INTS4: variants seen among roughly 807,000 people sequenced by gnomAD.
INTS4 encodes the protein MSTP093.
INTS4 carries 70 observed loss-of-function variants against 119.5 expected under a neutral mutation model. The ratio of observed to expected loss-of-function variants is 0.59; its 90% CI spans 0.48 to 0.71. The LOEUF (loss-of-function observed/expected upper bound fraction) is 0.71, where lower values mean the gene tolerates loss of function less well. Ranked by LOEUF, INTS4 falls within the 30% of genes least tolerant of loss-of-function variation. INTS4 has a pLI of 0.00. For synonymous variants in INTS4, 316 were observed against 419.6 expected, an observed-to-expected ratio of 0.75 and a Z score of 3.02; for missense variants, 867 against 1,173.2, an observed-to-expected ratio of 0.74 and a Z score of 3.81.
At chr11:77,891,277 A>G (rs1271739189) in intron 21 of INTS4, 42 bp downstream of exon 21, 13 of 1,590,892 alleles carry the variant, frequency 8.2e-6, no homozygotes, top group Middle Eastern at 2.2e-4. Context: ...CTTCAACACA[A>G]TGTCAGTCTA....
chr11:77,896,157 AT>A (rs1952508605), intron 18 of INTS4, among the ~76,000 whole-genome samples: 1 of 152,328 alleles, frequency 6.6e-6, no homozygotes, highest in Admixed American at 6.5e-5. Flanking sequence ...ATTTAAAAGG[AT>A]ATTACATTGA....
At chr11:77,964,268 C>T (rs1855385883) in intron 4 of INTS4, among the ~76,000 whole-genome samples, 1 of 152,068 alleles carries the variant, frequency 6.6e-6, no homozygotes, top group South Asian at 2.1e-4. Context: ...GAGTAACATC[C>T]TGTATTTAAA....
chr11:77,896,274 T>A (rs1354687103), intron 18 of INTS4, among the ~76,000 whole-genome samples: 1 of 151,692 alleles, frequency 6.6e-6, no homozygotes. Flanking sequence ...ATAAAACACA[T>A]AATAATGAAA....
chr11:77,949,539 A>G (rs1238937656), intron 8 of INTS4, among the ~76,000 whole-genome samples: 4 of 147,322 alleles, frequency 2.7e-5, no homozygotes, highest in Admixed American at 1.3e-4. Flanking sequence ...AAAAAAAACC[A>G]TCAAAAAGTG....
At chr11:77,988,381 A>G (rs1410608619) in intron 2 of INTS4, among the ~76,000 whole-genome samples, 2 of 152,258 alleles carry the variant, frequency 1.3e-5, no homozygotes, top group Admixed American at 6.5e-5. Flanking sequence ...TTCAACAAAT[A>G]TTTATTTTAC....
intron 5 of INTS4, 128 bp downstream of exon 5, chr11:77,960,825 G>T: frequency 1.2e-6 from 1 of 822,300 alleles, no homozygotes; most frequent in Non-Finnish European, 1.8e-6. Flanking sequence ...AGTTCTGCGA[G>T]GCCACCACCA....
chr11:77,979,507 A>G (rs188025676), intron 3 of INTS4, among the ~76,000 whole-genome samples: 12 of 152,056 alleles, frequency 7.9e-5, no homozygotes, highest in Admixed American at 3.9e-4. Flanking sequence ...ACTTTTGTCA[A>G]CTGGGTTCTA....
chr11:77,945,558 AC>A (rs1954028180), intron 8 of INTS4, among the ~76,000 whole-genome samples: 1 of 152,164 alleles, frequency 6.6e-6, no homozygotes, highest in Non-Finnish European at 1.5e-5. Flanking sequence ...ATCAGACCCC[AC>A]ATAGCGCTAC....
At chr11:77,922,245 A>G (rs1049709383) in intron 13 of INTS4, 111 bp downstream of exon 13, 4 of 1,398,404 alleles carry the variant, frequency 2.9e-6, no homozygotes, top group African/African-American at 1.5e-5. Flanking sequence ...AAAAAAAAAA[A>G]AGAAAGAAAA....
chr11:77,878,361 C>CAA (rs35818983), downstream of INTS4, among the ~76,000 whole-genome samples: 23 of 126,908 alleles, frequency 1.8e-4, no homozygotes, highest in African/African-American at 5.3e-4. Flanking sequence ...GACTCCATCT[C>CAA]AAAAAAAAAA....
intron 15 of INTS4, chr11:77,918,114 A>G (rs1204163619): frequency 2.7e-5 from 19 of 702,292 alleles, no homozygotes; most frequent in Non-Finnish European, 4.7e-5. Flanking sequence ...AGGCTGCTTG[A>G]TGCAGAAGAT....
intron 14 of INTS4, among the ~76,000 whole-genome samples, chr11:77,920,178 C>CATACACACATAT (rs1401017235): frequency 3.7e-5 from 1 of 26,902 alleles, no homozygotes; most frequent in African/African-American, 2.1e-4. Context: ...TATACATATA[C>CATACACACATAT]ATATACACAT....
At chr11:77,908,771 C>T (rs1006148207) in intron 15 of INTS4, among the ~76,000 whole-genome samples, 2 of 152,148 alleles carry the variant, frequency 1.3e-5, no homozygotes, top group African/African-American at 4.8e-5. Context: ...TACCTTCTCC[C>T]AACTATGCTT....
intron 2 of INTS4, among the ~76,000 whole-genome samples, chr11:77,988,158 C>G (rs1030277174): frequency 1.3e-5 from 2 of 152,182 alleles, no homozygotes; most frequent in African/African-American, 4.8e-5. Context: ...TTCCTAGGAA[C>G]CTGCCAGGCA....
downstream of INTS4, chr11:77,878,610 G>C: frequency 1.7e-6 from 1 of 582,316 alleles, no homozygotes; most frequent in East Asian, 2.8e-5. Context: ...GTTATCAGGA[G>C]GTAACTGGAT....
intron 2 of INTS4, among the ~76,000 whole-genome samples, chr11:77,988,563 G>A (rs1007890884): frequency 1.3e-5 from 2 of 152,112 alleles, no homozygotes; most frequent in Non-Finnish European, 2.9e-5. Flanking sequence ...TCAAGGAAGG[G>A]GACTAGGAAG....
At chr11:77,882,716 C>T (rs1565220493) in intron 22 of INTS4, among the ~76,000 whole-genome samples, 1 of 152,100 alleles carries the variant, frequency 6.6e-6, no homozygotes, top group Non-Finnish European at 1.5e-5. Context: ...AAAGGGGCTG[C>T]CCTAACATCC....
chr11:77,891,447 C>T lies in INTS4; in HGVS notation c.2464G>A (p.Ala822Thr), dbSNP rs760091310. The T allele has an allele frequency of 6.2e-7, 1 of 1,613,794 alleles. No individual in the cohort carries two copies. Among genetic ancestry groups the T allele is most frequent in the Non-Finnish European group, 8.5e-7 (1 of 1,179,806 alleles). ...TCGCCCGCTGGCTCGATGATGGTGGCTGAGGCTTTGTGGATCTGTAAGCAA... is the reference window on the plus strand; with the variant it reads ...TCGCCCGCTGGCTCGATGATGGTGGTTGAGGCTTTGTGGATCTGTAAGCAA... ...PLPEQIHKAS[A>T]TIIEPAGESD... Residue 822 changes from alanine to threonine, a missense_variant, in exon 21 of 23, where the codon GCC becomes ACC. Coordinates refer to ENST00000534064, the MANE Select transcript of INTS4 (RefSeq NM_033547.4).
intron 2 of INTS4, 51 bp downstream of exon 2, chr11:77,991,057 A>G (rs751083821): frequency 1.3e-6 from 2 of 1,487,100 alleles, no homozygotes; most frequent in Admixed American, 3.6e-5. Flanking sequence ...TTCTGCAGAC[A>G]TGATACAACT....
Sources: allele counts gnomAD v4.1 joint callset (sites outside exome capture counted in the v4.1 genomes callset), GRCh38; gene constraint gnomAD v4.1.1; transcripts MANE v1.5; gene names NCBI Gene and HGNC (gene_info 2026-07-23, HGNC 2026-07-21).